EFNA5: variants seen among roughly 807,000 people sequenced by gnomAD.
EFNA5 encodes the protein ephrin A5.
In EFNA5, 5 loss-of-function variants were observed where a neutral mutation model predicts 22.9. That is an observed-to-expected ratio of 0.22 (90% CI 0.11 to 0.46). The LOEUF is 0.46. Ranked by LOEUF, EFNA5 falls within the 20% of genes least tolerant of loss-of-function variation. The pLI, the probability that EFNA5 is intolerant of heterozygous loss-of-function variation, is 0.99. For synonymous variants in EFNA5, 113 were observed against 112.2 expected, an observed-to-expected ratio of 1.01 and a Z score of -0.04; for missense variants, 237 against 293.3, an observed-to-expected ratio of 0.81 and a Z score of 1.40.
chr5:107,580,051 C>T (rs905023169), intron 1 of EFNA5, among the ~76,000 whole-genome samples: 41 of 152,246 alleles, frequency 2.7e-4, no homozygotes, highest in African/African-American at 9.1e-4. Context: ...TAATTCAGCC[C>T]CTCAGAAAGG....
intron 1 of EFNA5, among the ~76,000 whole-genome samples, chr5:107,516,174 T>TTG (rs59824895): frequency 0.03 from 4,177 of 139,476 alleles, 110 homozygotes; most frequent in African/African-American, 0.067. Context: ...CTGGCTAGTT[T>TTG]TGTGTGTGTG....
chr5:107,388,737 G>T (rs1019793788), intron 2 of EFNA5, among the ~76,000 whole-genome samples: 6 of 152,148 alleles, frequency 3.9e-5, no homozygotes, highest in African/African-American at 1.2e-4. Context: ...CTATGTGTTT[G>T]CTTCAAGTGG....
chr5:107,651,413 T>A (rs1003892041), intron 1 of EFNA5, among the ~76,000 whole-genome samples: 1 of 151,984 alleles, frequency 6.6e-6, no homozygotes, highest in African/African-American at 2.4e-5. Context: ...CAAAAATGAA[T>A]CTCTTCCACA....
intron 1 of EFNA5, among the ~76,000 whole-genome samples, chr5:107,655,002 A>G (rs1486963010): frequency 7.2e-6 from 1 of 139,162 alleles, no homozygotes; most frequent in Non-Finnish European, 1.6e-5. Context: ...ATCAATCAAC[A>G]TGCGCTCATG....
At chr5:107,398,694 A>T (rs187679088) in intron 2 of EFNA5, among the ~76,000 whole-genome samples, 2,736 of 149,210 alleles carry the variant, frequency 0.018, 67 homozygotes, top group African/African-American at 0.061. Flanking sequence ...ATAAAAAAAA[A>T]TTTTTTTTTT....
chr5:107,587,875 T>A (rs569633333), intron 1 of EFNA5, among the ~76,000 whole-genome samples: 39 of 152,272 alleles, frequency 2.6e-4, no homozygotes, highest in African/African-American at 7.7e-4. Context: ...CACTACTCCC[T>A]TATATCTAGG....
intron 1 of EFNA5, among the ~76,000 whole-genome samples, chr5:107,596,395 T>A (rs1421763542): frequency 6.6e-6 from 1 of 152,188 alleles, no homozygotes; most frequent in Non-Finnish European, 1.5e-5. Flanking sequence ...TTATTTCACT[T>A]AGCATAATTT....
At chr5:107,597,708 G>C (rs958868923) in intron 1 of EFNA5, among the ~76,000 whole-genome samples, 7 of 152,108 alleles carry the variant, frequency 4.6e-5, no homozygotes, top group Non-Finnish European at 8.8e-5. Context: ...CTGCTTCCAG[G>C]AGATGAATTC....
chr5:107,648,521 G>A (rs1307586513), intron 1 of EFNA5, among the ~76,000 whole-genome samples: 1 of 151,988 alleles, frequency 6.6e-6, no homozygotes, highest in East Asian at 1.9e-4. Context: ...TTTTATTCTA[G>A]GCTCTTCTTT....
intron 2 of EFNA5, among the ~76,000 whole-genome samples, chr5:107,410,085 G>A (rs1262851600): frequency 6.7e-6 from 1 of 149,086 alleles, no homozygotes; most frequent in African/African-American, 2.5e-5. Flanking sequence ...CTGGAGTGCA[G>A]CGGCGCGATC....
intron 1 of EFNA5, among the ~76,000 whole-genome samples, chr5:107,505,584 A>G (rs75420337): frequency 0.011 from 1,601 of 152,346 alleles, 16 homozygotes; most frequent in Middle Eastern, 0.034. Context: ...TCCTCAAAAA[A>G]GTAGCATATC....
chr5:107,536,317 T>A (rs1251914917), intron 1 of EFNA5, among the ~76,000 whole-genome samples: 1 of 152,192 alleles, frequency 6.6e-6, no homozygotes, highest in Admixed American at 6.5e-5. Flanking sequence ...AAATCCTAAT[T>A]TAATAGGGAC....
chr5:107,458,541 C>A (rs531785654), intron 1 of EFNA5, among the ~76,000 whole-genome samples: 3 of 151,606 alleles, frequency 2.0e-5, no homozygotes, highest in Non-Finnish European at 4.4e-5. Flanking sequence ...AGGTGAGAAA[C>A]AAGGTGCCTG....
rs577209421 is a variant in EFNA5, at chr5:107,594,073, T to G, written c.125+76416A>C. ...GACTGGCTCTTCAAATAATTAAACT[T>G]GAATGGAAAAAAGGCATCTTGTTTC... On this transcript the variant is annotated intron_variant, in intron 1 of 4. Transcript: ENST00000333274. 7.9e-5 allele frequency among the ~76,000 whole-genome samples: 12 copies of G among 152,292 alleles called. No individual in the cohort carries two copies. In the South Asian group the frequency reaches 2.5e-3, roughly 32 times the overall value.
At chr5:107,426,659 A>G (rs1241950164) in intron 2 of EFNA5, among the ~76,000 whole-genome samples, 1 of 152,214 alleles carries the variant, frequency 6.6e-6, no homozygotes, top group Non-Finnish European at 1.5e-5. Context: ...CGCTCATACC[A>G]GTTACCTTGG....
chr5:107,664,131 CA>C (rs2112562857), intron 1 of EFNA5, among the ~76,000 whole-genome samples: 1 of 152,148 alleles, frequency 6.6e-6, no homozygotes, highest in East Asian at 1.9e-4. Context: ...CAAGAATTTG[CA>C]TCCACTCAAA....
At chr5:107,668,728 A>C (rs1483044846) in intron 1 of EFNA5, among the ~76,000 whole-genome samples, 1 of 152,204 alleles carries the variant, frequency 6.6e-6, no homozygotes, top group East Asian at 1.9e-4. Context: ...ATGCTGCCTA[A>C]TAAAGCACAA....
chr5:107,398,948 G>C (rs1391532001), intron 2 of EFNA5, among the ~76,000 whole-genome samples: 1 of 151,694 alleles, frequency 6.6e-6, no homozygotes, highest in Non-Finnish European at 1.5e-5. Context: ...AAAGTGAAGA[G>C]AGGGGTAGTG....
At chr5:107,424,674 G>A (rs1235098117) in intron 2 of EFNA5, among the ~76,000 whole-genome samples, 1 of 152,144 alleles carries the variant, frequency 6.6e-6, no homozygotes, top group Non-Finnish European at 1.5e-5. Flanking sequence ...TAGTAAGTGT[G>A]AAAATAGCTA....
Sources: gnomAD v4.1 joint callset for allele counts (sites outside exome capture counted in the v4.1 genomes callset) on GRCh38, gnomAD v4.1.1 for gene constraint, MANE v1.5 for transcripts, NCBI Gene and HGNC (gene_info 2026-07-23, HGNC 2026-07-21) for gene names.